The following ANKRD28 variants were observed in gnomAD, a reference collection of about 807,000 sequenced individuals.
ANKRD28 encodes serine/threonine-protein phosphatase 6 regulatory ankyrin repeat subunit A.
ANKRD28 carries 44 observed loss-of-function variants against 126.5 expected under a neutral mutation model. That is an observed-to-expected ratio of 0.35 (90% confidence interval 0.27 to 0.45). ANKRD28 has a LOEUF of 0.45. ANKRD28 is among the 20% of genes least tolerant of loss of function. The pLI is 1.00. For missense variants in ANKRD28, 1,110 were observed against 1,316.6 expected, an observed-to-expected ratio of 0.84 and a Z score of 2.43; for synonymous variants, 442 against 468.5, an observed-to-expected ratio of 0.94 and a Z score of 0.73.
At chr3:15,696,864 T>A (rs1034046287) in intron 14 of ANKRD28, among the ~76,000 whole-genome samples, 3 of 152,192 alleles carry the variant, frequency 2.0e-5, no homozygotes, top group Non-Finnish European at 2.9e-5. Context: ...AAAACCACTA[T>A]GGAAAACTGT....
chr3:15,724,628 AT>A, intron 6 of ANKRD28, 104 bp from the exon 7 acceptor site: 1 of 1,034,352 alleles, frequency 9.7e-7, no homozygotes, highest in Non-Finnish European at 1.4e-6. Context: ...AAAATAGATG[AT>A]GCATGACAAG....
intron 14 of ANKRD28, among the ~76,000 whole-genome samples, chr3:15,707,399 T>C (rs2071602662): frequency 2.0e-5 from 3 of 152,236 alleles, no homozygotes; most frequent in East Asian, 1.9e-4. Context: ...TATTCTGCCA[T>C]CTAATTTACC....
chr3:15,742,005 C>T (rs901231235), intron 4 of ANKRD28, among the ~76,000 whole-genome samples: 2 of 152,256 alleles, frequency 1.3e-5, no homozygotes, highest in East Asian at 3.9e-4. Context: ...TCCCGAGGTG[C>T]CGGGATTGCA....
At chr3:15,687,808 C>G (rs544505729) in intron 18 of ANKRD28, among the ~76,000 whole-genome samples, 1 of 152,204 alleles carries the variant, frequency 6.6e-6, no homozygotes, top group East Asian at 1.9e-4. Context: ...CTTGTTTGGC[C>G]CATCATTTTT....
At chr3:15,788,582 C>T (rs2059886913) in intron 2 of ANKRD28, among the ~76,000 whole-genome samples, 1 of 152,052 alleles carries the variant, frequency 6.6e-6, no homozygotes, top group Non-Finnish European at 1.5e-5. Flanking sequence ...CTACAATTAA[C>T]ACCAATTTTA....
chr3:15,842,829 A>C lies in ANKRD28; in HGVS notation c.27+16548T>G, dbSNP rs531606481. Among the ~76,000 whole-genome samples the C allele has an allele frequency of 1.5e-4, 23 of 152,338 alleles. No individual in the cohort carries two copies. In the East Asian group the frequency reaches 1.7e-3, roughly 11 times the overall value. ...ACTTGACATATGCTGATGGGAATGA[A>C]TGTTTTCACTAACCAAAGAAATTCA... On this transcript the variant is annotated intron_variant, in intron 1 of 27. Transcript: ENST00000399451.
At position 15,852,660 on chromosome 3, in the gene ANKRD28, C is replaced by T. The variant is rs142914391; in HGVS notation, c.27+6717G>A. Among the ~76,000 whole-genome samples, 541 of 151,606 alleles carry T rather than the reference C, an allele frequency of 3.6e-3. 2 individuals are homozygous for T. The highest frequency in any genetic ancestry group is 4.5e-3 in the Non-Finnish European group (303 of 67,862). On this transcript the variant is annotated intron_variant, in intron 1 of 27. Coordinates refer to the ANKRD28 transcript ENST00000399451. The stretch of plus-strand genomic sequence containing the variant: ...CATCCTGGCTAACACGGTGAAACCC[C>T]GTCTCTACTAAAAATACAAAAAATT...
intron 2 of ANKRD28, among the ~76,000 whole-genome samples, chr3:15,790,505 A>G (rs1383320443): frequency 2.6e-5 from 4 of 152,070 alleles, no homozygotes; most frequent in African/African-American, 9.7e-5. Flanking sequence ...ATCAATTAAC[A>G]TGATATATCA....
At chr3:15,727,685 G>T (rs1209975146) in intron 6 of ANKRD28, among the ~76,000 whole-genome samples, 3 of 151,834 alleles carry the variant, frequency 2.0e-5, no homozygotes, top group Admixed American at 6.6e-5. Flanking sequence ...CCTCATGGAT[G>T]ACTGAGGGAT....
At chr3:15,821,696 G>A (rs889934481) in intron 1 of ANKRD28, among the ~76,000 whole-genome samples, 2 of 152,096 alleles carry the variant, frequency 1.3e-5, no homozygotes, top group African/African-American at 4.8e-5. Context: ...AAAACGCTGT[G>A]GAATTTTAAT....
intron 2 of ANKRD28, among the ~76,000 whole-genome samples, chr3:15,792,785 C>A (rs959366298): frequency 6.6e-5 from 10 of 152,156 alleles, no homozygotes; most frequent in African/African-American, 2.2e-4. Flanking sequence ...GATTATTTCA[C>A]ATTACATGCC....
At chr3:15,679,154 A>G (rs1168177757) in intron 23 of ANKRD28, 147 bp downstream of exon 23, 3 of 670,216 alleles carry the variant, frequency 4.5e-6, no homozygotes, top group Non-Finnish European at 5.1e-6. Context: ...TTTTTGGTAG[A>G]GATGCAGGTC....
At chr3:15,791,700 T>C (rs2060035593) in intron 2 of ANKRD28, among the ~76,000 whole-genome samples, 1 of 152,160 alleles carries the variant, frequency 6.6e-6, no homozygotes, top group Non-Finnish European at 1.5e-5. Flanking sequence ...CAAATATTTC[T>C]TGAGCAATAG....
In ANKRD28 at chr3:15,812,150, C is replaced by CAAACA. The variant is rs1553642034; in HGVS notation, c.28-16849_28-16845dup. Among the ~76,000 whole-genome samples the CAAACA allele has an allele frequency of 5.9e-5, 8 of 134,676 alleles. No homozygotes were observed. Among genetic ancestry groups the CAAACA allele is most frequent in the South Asian group, 5.4e-4 (2 of 3,672 alleles). The allele number at this position is 134,676 out of a possible 152,430, so 88.4% of individuals were successfully genotyped here. A position where few individuals can be genotyped will look rare whatever the true frequency, so the allele number is the denominator to read the frequency against. ...CCTGGGCAACAGAGTGAGACTCTGG[C>CAAACA]AAACAAAACAAAACAAAACAAAACG... is the stretch of plus-strand genomic sequence containing the variant. On this transcript the variant is annotated intron_variant, in intron 1 of 27. Coordinates refer to the ANKRD28 transcript ENST00000399451. The surrounding 1 kb of genome is among the most constrained non-coding windows in gnomAD (Gnocchi z 4.1).
upstream of ANKRD28, among the ~76,000 whole-genome samples, chr3:15,801,761 C>A (rs2125854439): frequency 6.6e-6 from 1 of 152,260 alleles, no homozygotes; most frequent in South Asian, 2.1e-4. This position sits in a 1 kb window ranked among gnomAD's most constrained non-coding sequence, Gnocchi z 4.9. Context: ...GCAAGAAAGT[C>A]ACTAGGTATT....
At chr3:15,754,298 C>A (rs905101243) in intron 3 of ANKRD28, among the ~76,000 whole-genome samples, 4 of 152,172 alleles carry the variant, frequency 2.6e-5, no homozygotes, top group African/African-American at 7.2e-5. Flanking sequence ...CTTGCATATG[C>A]CATTCACCCT....
At chr3:15,732,425 C>T (rs1559427085) in intron 6 of ANKRD28, 1 of 152,318 alleles carries the variant, frequency 6.6e-6, no homozygotes, top group Non-Finnish European at 1.5e-5. Context: ...AGCTAAATCC[C>T]AATCCCAGGG....
chr3:15,794,914 G>T (rs571766069), intron 2 of ANKRD28, among the ~76,000 whole-genome samples: 1 of 152,244 alleles, frequency 6.6e-6, no homozygotes, highest in South Asian at 2.1e-4. Context: ...AATACAGAAA[G>T]CAAATGTGGC....
At chr3:15,774,135 AT>A (rs1387986200) in intron 2 of ANKRD28, among the ~76,000 whole-genome samples, 1 of 152,218 alleles carries the variant, frequency 6.6e-6, no homozygotes, top group Non-Finnish European at 1.5e-5. Context: ...CCTAATATGA[AT>A]ATTAACTTAA....
Sources: gnomAD v4.1 joint callset for allele counts (sites outside exome capture counted in the v4.1 genomes callset) on GRCh38, gnomAD v4.1.1 for gene constraint, Gnocchi (gnomAD v3.1) non-coding constraint, MANE v1.5 for transcripts, NCBI Gene and HGNC (gene_info 2026-07-23, HGNC 2026-07-21) for gene names.